Variants in SPAG1 observed in about 807,000 individuals in gnomAD.
SPAG1 encodes the protein sperm associated antigen 1, also known as sperm-associated antigen 1.
SPAG1 carries 69 observed loss-of-function variants against 100.5 expected under a neutral mutation model. That is an observed-to-expected ratio of 0.69 (90% CI 0.57 to 0.84). SPAG1 has a LOEUF of 0.84. Ranked by LOEUF, SPAG1 falls within the 40% of genes least tolerant of loss-of-function variation. The pLI is 0.00. For synonymous variants in SPAG1, 336 were observed against 411.6 expected (o/e 0.82, Z 2.22); for missense variants, 955 against 1,133.1 (o/e 0.84, Z 2.26).
chr8:100,206,224 A>G (rs541855284), intron 10 of SPAG1, among the ~76,000 whole-genome samples: 3 of 152,186 alleles, frequency 2.0e-5, no homozygotes, highest in African/African-American at 7.2e-5. Flanking sequence ...TGCTTGAGCA[A>G]ATTAACACAT....
At position 100,202,801 on chromosome 8, in the gene SPAG1, A is replaced by G. The variant is rs576708362; in HGVS notation, c.1096+8533A>G. Among the ~76,000 whole-genome samples, 3 of 147,706 alleles carry G rather than the reference A, an allele frequency of 2.0e-5. No individual in the cohort carries two copies. The East Asian group carries it at 6.1e-4, about 30-fold the overall frequency. On this transcript the variant is annotated intron_variant, in intron 10 of 18. Transcript: ENST00000388798. The stretch of plus-strand genomic sequence containing the variant: ...ACTCTCAGTTCCTTTCCACTGGTCT[A>G]TGTGTCTTTCCTTATGCCAATACCA...
At chr8:100,233,288 G>A (rs1215728092) in intron 15 of SPAG1, 123 bp from the exon 16 acceptor site, 5 of 1,059,822 alleles carry the variant, frequency 4.7e-6, no homozygotes, top group South Asian at 2.7e-5. Context: ...AAGTTTCAAT[G>A]GAAACCGCAG....
At chr8:100,158,701 T>C (rs1815175022) in intron 1 of SPAG1, 85 bp downstream of exon 1, 1 of 152,192 alleles carries the variant, frequency 6.6e-6, no homozygotes, top group Non-Finnish European at 1.5e-5. Context: ...ATCGAAGGTT[T>C]TCCCAATTAG....
chr8:100,163,697 TCCTTTCTTC>T (rs1250879808), intron 2 of SPAG1, among the ~76,000 whole-genome samples: 2 of 152,224 alleles, frequency 1.3e-5, no homozygotes, highest in African/African-American at 4.8e-5. Flanking sequence ...ACCTTTAGCT[TCCTTTCTTC>T]CCTGTTGGTC....
intron 14 of SPAG1, among the ~76,000 whole-genome samples, chr8:100,226,633 G>C (rs1818526029): frequency 6.6e-6 from 1 of 152,064 alleles, no homozygotes; most frequent in Non-Finnish European, 1.5e-5. Context: ...GCCCAGGAAG[G>C]TTGAGGCTGC....
In SPAG1 at chr8:100,202,752, A is replaced by C. The variant is rs556905636; in HGVS notation, c.1096+8484A>C. Among the ~76,000 whole-genome samples, 7 of 146,754 alleles carry C rather than the reference A, an allele frequency of 4.8e-5. No homozygotes were observed. In the South Asian group the frequency reaches 1.3e-3, roughly 27 times the overall value. The stretch of plus-strand genomic sequence containing the variant: ...AAAAAAAAAAAAGAATCAACTGGCC[A>C]TAGATGTATGGGTTTACTTATCAAC... On this transcript the variant is annotated intron_variant, in intron 10 of 18. Transcript: ENST00000388798.
intron 12 of SPAG1, among the ~76,000 whole-genome samples, chr8:100,215,282 T>C (rs1441057729): frequency 6.6e-6 from 1 of 151,802 alleles, no homozygotes; most frequent in African/African-American, 2.4e-5. Context: ...CCTGCCTGGA[T>C]GGTAAATAGC....
At chr8:100,169,543 A>G (rs1225124333) in intron 3 of SPAG1, among the ~76,000 whole-genome samples, 1 of 152,218 alleles carries the variant, frequency 6.6e-6, no homozygotes, top group Non-Finnish European at 1.5e-5. Context: ...GTTCAAGACC[A>G]GACTGGCCAA....
Position 100,161,568 on chromosome 8 carries a change from A to G in SPAG1, c.-2-711A>G, listed in dbSNP as rs142281088. The stretch of plus-strand genomic sequence containing the variant: ...GCCTTAAAGCATGACAAAATAGAAA[A>G]GGAATTTTTAATGACCCACTTAGGA... On this transcript the variant is annotated intron_variant, in intron 1 of 18. Transcript: ENST00000388798. Among the ~76,000 whole-genome samples, 420 of 152,212 alleles carry G rather than the reference A, an allele frequency of 2.8e-3. 2 individuals are homozygous for G. Among genetic ancestry groups the G allele is most frequent in the Non-Finnish European group, 4.8e-3 (325 of 67,996 alleles).
intron 16 of SPAG1, among the ~76,000 whole-genome samples, chr8:100,237,382 C>T (rs1012260060): frequency 6.6e-6 from 1 of 152,206 alleles, no homozygotes; most frequent in African/African-American, 2.4e-5. Context: ...GCTCTTCCCT[C>T]TACACTGCAT....
chr8:100,165,675 G>A, intron 2 of SPAG1, 139 bp from the exon 3 acceptor site: 1 of 627,302 alleles, frequency 1.6e-6, no homozygotes, highest in South Asian at 2.3e-5. Context: ...AGACTATGCG[G>A]GTTAAGGAAA....
chr8:100,208,025 G>T (rs1365656000), intron 10 of SPAG1, among the ~76,000 whole-genome samples: 1 of 152,210 alleles, frequency 6.6e-6, no homozygotes, highest in Non-Finnish European at 1.5e-5. Flanking sequence ...CAGGAATCAA[G>T]GGGTGGAAGT....
At chr8:100,223,633 A>G (rs1052514922) in intron 13 of SPAG1, among the ~76,000 whole-genome samples, 1 of 148,692 alleles carries the variant, frequency 6.7e-6, no homozygotes, top group Non-Finnish European at 1.5e-5. Flanking sequence ...TCTGTCTTCC[A>G]TTAACCATAT....
chr8:100,191,568 A>C, intron 9 of SPAG1, 72 bp downstream of exon 9: 2 of 1,027,886 alleles, frequency 1.9e-6, no homozygotes, highest in South Asian at 2.8e-5. Flanking sequence ...AAGTGGTATC[A>C]ATCTTGCCAA....
chr8:100,197,641 C>T (rs948458477), intron 10 of SPAG1, among the ~76,000 whole-genome samples: 6 of 152,112 alleles, frequency 3.9e-5, no homozygotes, highest in South Asian at 2.1e-4. Context: ...CATCACATTC[C>T]GGGAAAGAAT....
At chr8:100,202,018 C>T (rs1817297277) in intron 10 of SPAG1, among the ~76,000 whole-genome samples, 2 of 152,182 alleles carry the variant, frequency 1.3e-5, no homozygotes, top group Non-Finnish European at 2.9e-5. Flanking sequence ...GAGGCCCAGA[C>T]TTGTAACTGG....
At chr8:100,206,017 CAAAAAAAAAAAAAAAAAAAAAAAA>C (rs574907013) in intron 10 of SPAG1, among the ~76,000 whole-genome samples, 5 of 77,344 alleles carry the variant, frequency 6.5e-5, no homozygotes, top group Admixed American at 1.4e-4. Flanking sequence ...GACTCTGTCT[CAAAAAAAAAAAAAAAAAAAAAAAA>C]AAAAAAAAAA....
At chr8:100,188,407 G>A (rs1191343272) in intron 8 of SPAG1, among the ~76,000 whole-genome samples, 1 of 150,930 alleles carries the variant, frequency 6.6e-6, no homozygotes, top group Non-Finnish European at 1.5e-5. Context: ...TGCCCACCTC[G>A]ACCTCCCAAA....
intron 14 of SPAG1, among the ~76,000 whole-genome samples, chr8:100,225,550 C>T (rs992074106): frequency 6.6e-6 from 1 of 151,932 alleles, no homozygotes; most frequent in African/African-American, 2.4e-5. Flanking sequence ...GCTCTGCTTC[C>T]TGGGTTCAAG....
Sources: allele counts gnomAD v4.1 joint callset (sites outside exome capture counted in the v4.1 genomes callset), GRCh38; gene constraint gnomAD v4.1.1; transcripts MANE v1.5; gene names NCBI Gene and HGNC (gene_info 2026-07-23, HGNC 2026-07-21).